Variants in TTN observed in about 807,000 individuals in gnomAD.
The protein encoded by TTN is titin.
Under a neutral mutation model 3,223.0 loss-of-function variants are expected in TTN, and 1,525 were observed. That is an observed-to-expected ratio of 0.47 (90% CI 0.45 to 0.49). TTN has a LOEUF of 0.49. Among genes scored for constraint, TTN ranks in the 20% least tolerant of loss-of-function variants. TTN has a pLI of 0.00. For synonymous variants in TTN, 14,094 were observed against 15,161.0 expected (o/e 0.93, Z 5.17); for missense variants, 40,786 against 43,424.0 (o/e 0.94, Z 5.40).
rs1432889079 is a variant in TTN, at chr2:178,584,726, G to C, written c.64915C>G (p.Arg21639Gly). The C allele has an allele frequency of 1.9e-6, 3 of 1,613,446 alleles. No individual in the cohort carries two copies. Among genetic ancestry groups the C allele is most frequent in the Non-Finnish European group, 2.5e-6 (3 of 1,179,566 alleles). The change falls in exon 310 of 363, where the codon CGA becomes GGA. Residue 21639 changes from arginine to glycine, a missense_variant. Physicochemically the swap from Arg to Gly is moderately radical, Grantham distance 125. Transcript: ENST00000589042. ...GTGAGAGGCTCTGAAATGCCAAATCGGTTTTCAGCACGGACCCGGAAGATG... is the reference window on the plus strand; with the variant it reads ...GTGAGAGGCTCTGAAATGCCAAATCCGTTTTCAGCACGGACCCGGAAGATG... ...EYIFRVRAEN[R>G]FGISEPLTSP...
At position 178,723,496 on chromosome 2, in the gene TTN, A is replaced by G; in HGVS notation, c.21604T>C (p.Ser7202Pro). ...AELELFNIDISQSGEYTCVVS... is the reference protein window; with the variant it reads ...AELELFNIDIPQSGEYTCVVS... ...ACACAGGTGTATTCCCCACTCTGAG[A>G]TATGTCAATATTAAATAATTCCAGT... Residue 7202 changes from serine (S) to proline (P), a missense_variant, in exon 74 of 363, where the codon TCT (serine) becomes CCT (proline). By Grantham distance (74) the Ser-to-Pro change is moderately conservative. Transcript: ENST00000589042. 1.2e-6 allele frequency: 2 copies of G among 1,613,350 alleles called. No homozygotes were observed. The highest frequency in any genetic ancestry group is 1.7e-6 in the Non-Finnish European group (2 of 1,179,592).
intron 228 of TTN, 89 bp downstream of exon 228, chr2:178,635,076 T>C (rs2060265566): frequency 3.2e-6 from 5 of 1,554,952 alleles, no homozygotes; most frequent in Non-Finnish European, 4.3e-6. Flanking sequence ...TCCATTATTA[T>C]TAAAGCAACC....
At position 178,539,946 on chromosome 2, in the gene TTN, C is replaced by G. The variant is rs1307768306; in HGVS notation, c.98119G>C (p.Asp32707His). Residue 32707 changes from aspartate (D) to histidine (H), a missense_variant, in exon 352 of 363, where the codon GAT (aspartate) becomes CAT (histidine). Transcript: ENST00000589042. ...AAGATACCTTCTTGGTATCTTTCAT[C>G]AAGTTCATAATCAGGATATTCTGGA... Reference protein sequence around the residue: ...EMLEYPDYELDERYQEGIFVR... With the variant: ...EMLEYPDYELHERYQEGIFVR... 1.5e-5 allele frequency: 24 copies of G among 1,613,352 alleles called. No individual in the cohort carries two copies. Among genetic ancestry groups the G allele is most frequent in the Non-Finnish European group, 1.9e-5 (22 of 1,179,616 alleles).
rs1481058510 is a variant in TTN, at chr2:178,537,881, T to C, written c.99326A>G (p.Asp33109Gly). ...EAPGIRKEMK[D>G]VTTKLGEAAQ... ...AGCTTCACCCAATTTTGTGGTAACATCCTTCATTTCTTTGCGTATTCCTGG... is the reference window on the plus strand; with the variant it reads ...AGCTTCACCCAATTTTGTGGTAACACCCTTCATTTCTTTGCGTATTCCTGG... The change falls in exon 355 of 363, where the codon GAT (aspartate) becomes GGT (glycine). Residue 33109 changes from aspartate to glycine, a missense_variant. Asp to Gly is a moderately conservative substitution (Grantham distance 94, BLOSUM62 -1). Coordinates refer to ENST00000589042, the MANE Select transcript of TTN (RefSeq NM_001267550.2). 6.2e-7 allele frequency: 1 copy of C among 1,612,526 alleles called. No individual in the cohort carries two copies. The highest frequency in any genetic ancestry group is 8.5e-7 in the Non-Finnish European group (1 of 1,179,008).
At chr2:178,798,280 C>T (rs1287290136) in intron 6 of TTN, among the ~76,000 whole-genome samples, 1 of 152,060 alleles carries the variant, frequency 6.6e-6, no homozygotes. Context: ...ATAAACACTT[C>T]TTTGCTCAAA....
At position 178,695,354 on chromosome 2, in the gene TTN, G is replaced by A. The variant is rs1443104262; in HGVS notation, c.31264C>T (p.Pro10422Ser). 1.9e-6 allele frequency: 3 copies of A among 1,611,398 alleles called. No individual in the cohort carries two copies. In the South Asian group the frequency reaches 3.3e-5, roughly 18 times the overall value. ...KVPEKKAPPP[P>S]KVIKKPVIEK... ...AATATTTCTAATTACTTACCTTTAG[G>A]AGGTGGTGGTGCTTTCTTTTCAGGT... is the stretch of plus-strand genomic sequence containing the variant. Residue 10422 changes from proline to serine, a missense_variant, in exon 115 of 363, where the codon CCT (proline) becomes TCT (serine). Physicochemically the swap from Pro to Ser is moderately conservative, Grantham distance 74 (BLOSUM62 -1). Transcript: ENST00000589042.
chr2:178,804,194 G>T (rs1024516164), intron 2 of TTN, among the ~76,000 whole-genome samples: 3 of 152,204 alleles, frequency 2.0e-5, no homozygotes, highest in Admixed American at 6.5e-5. Flanking sequence ...TCTGTGGCTG[G>T]CTTCTATTGG....
chr2:178,567,652 T>C lies in TTN; in HGVS notation c.78480A>G (p.Glu26160=), dbSNP rs878928402. 13 of 1,612,382 alleles carry C rather than the reference T, an allele frequency of 8.1e-6. No homozygotes were observed. Among genetic ancestry groups the C allele is most frequent in the Non-Finnish European group, 1.1e-5 (13 of 1,178,954 alleles). The change falls in exon 326 of 363, where the codon GAA becomes GAG. Residue 26160 remains glutamate, a synonymous_variant. Transcript: ENST00000589042. ...CTGCATTCTTTGCAATGACTCTGAA[T>C]TCATATCTTTGATCTTCAGTAAGAC... The part of the protein sequence containing the change: ...VSGLTEDQRY[E]FRVIAKNAAG...
chr2:178,680,217 A>C (rs774367759), intron 139 of TTN, 37 bp downstream of exon 139: 21 of 1,605,814 alleles, frequency 1.3e-5, no homozygotes, highest in Non-Finnish European at 1.2e-5. Flanking sequence ...CAACAGCAAA[A>C]GACGAACAAA....
At position 178,602,514 on chromosome 2, in the gene TTN, T is replaced by G. The variant is rs1416503595; in HGVS notation, c.54888A>C (p.Pro18296=). The G allele has an allele frequency of 8.1e-6, 13 of 1,609,700 alleles. No individual in the cohort carries two copies. Among genetic ancestry groups the G allele is most frequent in the Middle Eastern group, 3.3e-4 (2 of 6,042 alleles). ...TGATTGGGCTGCCACCATCTTTGGC[T>G]GGAGGTTTCCATCCTAGTGAGATGC... is the stretch of plus-strand genomic sequence containing the variant. ...KSSISLGWKP[P]AKDGGSPIKG... The change falls in exon 283 of 363, where the codon CCA becomes CCC. Residue 18296 remains proline (P), a synonymous_variant. Transcript: ENST00000589042.
In TTN at chr2:178,579,120, G is replaced by C. The variant is rs1233992072; in HGVS notation, c.67910C>G (p.Ser22637Cys). ...NVAGTKEGTISIKVVGKPGIP... is the reference protein window; with the variant it reads ...NVAGTKEGTICIKVVGKPGIP... The stretch of plus-strand genomic sequence containing the variant: ...GCCAGGCTTGCCAACAACCTTTATG[G>C]AGATAGTTCCTTCCTTGGTGCCAGC... The change falls in exon 320 of 363, where the codon TCC (serine) becomes TGC (cysteine). Residue 22637 changes from serine (S) to cysteine (C), a missense_variant. By Grantham distance (112) the Ser-to-Cys change is moderately radical. Transcript: ENST00000589042. The C allele has an allele frequency of 6.2e-7, 1 of 1,613,344 alleles. No individual in the cohort carries two copies. Among genetic ancestry groups the C allele is most frequent in the Non-Finnish European group, 8.5e-7 (1 of 1,179,544 alleles).
rs921614462 is a variant in TTN, at chr2:178,792,261, A to G, written c.1537-64T>C. 1.0e-5 allele frequency: 15 copies of G among 1,490,498 alleles called. No individual in the cohort carries two copies. The African/African-American group carries it at 2.0e-4, about 20-fold the overall frequency. The allele number at this position is 1,490,498 out of a possible 1,614,324, so 92.3% of individuals were successfully genotyped here. A position where few individuals can be genotyped will look rare whatever the true frequency, so the allele number is the denominator to read the frequency against. On this transcript the variant is annotated intron_variant, in intron 9 of 362. Coordinates refer to ENST00000589042, the MANE Select transcript of TTN (RefSeq NM_001267550.2). Reference sequence around the variant, plus strand: ...TGCCCAATGAAATAATATGGTGTTTATTAAATATAACAACATAGGAATTTG... The same window carrying G: ...TGCCCAATGAAATAATATGGTGTTTGTTAAATATAACAACATAGGAATTTG...
At chr2:178,790,599 A>C in intron 11 of TTN, 109 bp downstream of exon 11, 1 of 1,551,040 alleles carries the variant, frequency 6.4e-7, no homozygotes. Context: ...TTGCATTATA[A>C]GAAGAGGTGG....
rs1249233652 is a variant in TTN at position 178,732,654 on chromosome 2, C to G, written c.16407G>C (p.Leu5469=). Residue 5469 remains leucine, a synonymous_variant, in exon 56 of 363, where the codon CTG becomes CTC. Transcript: ENST00000589042. ...KDVLPGSAVC[L]KSTFQGSTPL... Reference sequence around the variant, plus strand: ...GAGTAGATCCTTGGAAAGTGCTCTTCAGGCAGACTGCTGAGCCAGGCAGAA... The same window carrying G: ...GAGTAGATCCTTGGAAAGTGCTCTTGAGGCAGACTGCTGAGCCAGGCAGAA... 2 of 1,612,238 alleles carry G rather than the reference C, an allele frequency of 1.2e-6. No homozygotes were observed. Among genetic ancestry groups the G allele is most frequent in the South Asian group, 2.2e-5 (2 of 90,812 alleles).
chr2:178,629,731 G>A lies in TTN; in HGVS notation c.44282-288C>T, dbSNP rs191013372. ...CGTCAAGTTCTTCTTGCTACATAAG[G>A]TATGTGACTTCCAAAATAACTAAGA... On this transcript the variant is annotated intron_variant, in intron 239 of 362. Transcript: ENST00000589042. Among the ~76,000 whole-genome samples, 394 of 152,180 alleles carry A rather than the reference G, an allele frequency of 2.6e-3. 1 individual carries two copies. Among genetic ancestry groups the A allele is most frequent in the African/African-American group, 7.0e-3 (290 of 41,552 alleles).
chr2:178,732,657 G>C lies in TTN; in HGVS notation c.16404C>G (p.Cys5468Trp), dbSNP rs944088736. ...TAGATCCTTGGAAAGTGCTCTTCAG[G>C]CAGACTGCTGAGCCAGGCAGAACAT... Reference protein sequence around the residue: ...SKDVLPGSAVCLKSTFQGSTP... With the variant: ...SKDVLPGSAVWLKSTFQGSTP... Residue 5468 changes from cysteine to tryptophan, a missense_variant, in exon 56 of 363, where the codon TGC becomes TGG. Cys to Trp is a radical substitution (Grantham distance 215, BLOSUM62 -2). Transcript: ENST00000589042. 1 of 1,611,882 alleles carries C rather than the reference G, an allele frequency of 6.2e-7. No homozygotes were observed. Among genetic ancestry groups the C allele is most frequent in the African/African-American group, 1.3e-5 (1 of 74,940 alleles).
At chr2:178,737,017 A>C (rs1294193863) in intron 49 of TTN, among the ~76,000 whole-genome samples, 1 of 152,062 alleles carries the variant, frequency 6.6e-6, no homozygotes, top group Non-Finnish European at 1.5e-5. Context: ...GTATGGCTTG[A>C]CTGTACCTCT....
At position 178,572,349 on chromosome 2, in the gene TTN, C is replaced by T. The variant is rs543275318; in HGVS notation, c.73783G>A (p.Ala24595Thr). 200 of 1,611,794 alleles carry T rather than the reference C, an allele frequency of 1.2e-4. 4 individuals are homozygous for T. In the South Asian group the frequency reaches 1.8e-3, roughly 15 times the overall value. ...AGCCCAATGCCATATTCATTTTCTG[C>T]GAGAACCCTGAAATAGTAGCTACAG... ...EGCSYYFRVL[A>T]ENEYGIGLPA... Residue 24595 changes from alanine (A) to threonine (T), a missense_variant, in exon 326 of 363, where the codon GCA becomes ACA. Ala to Thr is a moderately conservative substitution (Grantham distance 58). Coordinates refer to ENST00000589042, the MANE Select transcript of TTN (RefSeq NM_001267550.2).
At chr2:178,770,835 T>C (rs1179224583) in intron 34 of TTN, 160 bp from the exon 35 acceptor site, 29 of 974,384 alleles carry the variant, frequency 3.0e-5, no homozygotes, top group Non-Finnish European at 4.4e-5. Context: ...TGAGATTATT[T>C]AGGGGAACCT....
Sources: allele counts gnomAD v4.1 joint callset (sites outside exome capture counted in the v4.1 genomes callset), GRCh38; gene constraint gnomAD v4.1.1; transcripts MANE v1.5; gene names NCBI Gene and HGNC (gene_info 2026-07-23, HGNC 2026-07-21).